The following FASTKD2 variants were observed in gnomAD, a reference collection of about 807,000 sequenced individuals.
FASTKD2 encodes FAST kinase domains 2.
FASTKD2 carries 51 observed loss-of-function variants against 63.6 expected under a neutral mutation model. The ratio of observed to expected loss-of-function variants is 0.80; its 90% CI spans 0.64 to 1.01. The LOEUF is 1.01. Ranked by LOEUF, FASTKD2 falls within the 50% of genes least tolerant of loss-of-function variation. The pLI, the probability that FASTKD2 is intolerant of heterozygous loss-of-function variation, is 0.00. For missense variants in FASTKD2, 786 were observed against 831.1 expected (o/e 0.95, Z 0.67); for synonymous variants, 284 against 293.4 (o/e 0.97, Z 0.33).
At chr2:206,780,316 T>G (rs548239633) in intron 7 of FASTKD2, among the ~76,000 whole-genome samples, 1 of 152,332 alleles carries the variant, frequency 6.6e-6, no homozygotes, top group East Asian at 1.9e-4. Context: ...TCCTTGGCTT[T>G]CGTTTGTTTG....
Position 206,796,023 on chromosome 2 carries a change from C to T in FASTKD2, c.*4221C>T, listed in dbSNP as rs937033347. 3.9e-5 allele frequency among the ~76,000 whole-genome samples: 6 copies of T among 152,132 alleles called. No homozygotes were observed. The highest frequency in any genetic ancestry group is 3.2e-3 in the Middle Eastern group (1 of 316). On this transcript the variant is annotated 3_prime_UTR_variant, in exon 12 of 12. Transcript: ENST00000402774. ...TCAGCCTTTCCATTCATCTTGTAAGCAGGAGGCTTCTGTGCATGGCCAGAA... is the reference window on the plus strand; with the variant it reads ...TCAGCCTTTCCATTCATCTTGTAAGTAGGAGGCTTCTGTGCATGGCCAGAA...
In FASTKD2 at chr2:206,795,111, A is replaced by G; in HGVS notation, c.*3309A>G. On this transcript the variant is annotated 3_prime_UTR_variant, in exon 12 of 12. Transcript: ENST00000402774. The stretch of plus-strand genomic sequence containing the variant: ...AGGACAGATCTCTCTCATACTCTTC[A>G]TTCACAGGGCCTGAGAGGTGGACCA... Among the ~76,000 whole-genome samples, 1 of 152,222 alleles carries G rather than the reference A, an allele frequency of 6.6e-6. No individual in the cohort carries two copies. The highest frequency in any genetic ancestry group is 1.5e-5 in the Non-Finnish European group (1 of 68,040).
rs540966671 is a variant in FASTKD2 at position 206,780,864 on chromosome 2, C to G, written c.1428-5869C>G. Among the ~76,000 whole-genome samples the G allele has an allele frequency of 2.6e-5, 4 of 152,220 alleles. No homozygotes were observed. The East Asian group carries it at 7.7e-4, about 29-fold the overall frequency. ...ATGACCTGCTTCAAATTCTCCGATT[C>G]TCTTTTGCTTGCTGAAATATGCTGG... On this transcript the variant is annotated intron_variant, in intron 7 of 11. Coordinates refer to ENST00000402774, the MANE Select transcript of FASTKD2 (RefSeq NM_001136193.2).
At chr2:206,790,734 T>C (rs762869783) in intron 11 of FASTKD2, 48 bp downstream of exon 11, 1 of 1,083,232 alleles carries the variant, frequency 9.2e-7, no homozygotes, top group Admixed American at 1.7e-5. Flanking sequence ...TGATGTACAT[T>C]CTAACAGCTG....
At chr2:206,766,611 T>C in intron 1 of FASTKD2, 33 bp from the exon 2 acceptor site, 1 of 1,226,494 alleles carries the variant, frequency 8.2e-7, no homozygotes, top group Non-Finnish European at 1.2e-6. Flanking sequence ...TTTGTTTTAA[T>C]TTTTATTCTT....
chr2:206,769,595 G>C (rs779287345), intron 2 of FASTKD2, among the ~76,000 whole-genome samples: 4 of 152,188 alleles, frequency 2.6e-5, no homozygotes, highest in Non-Finnish European at 5.9e-5. Context: ...CAGGAGATGT[G>C]AATCAGAAGA....
At chr2:206,765,932 C>T (rs1689433976) in intron 1 of FASTKD2, among the ~76,000 whole-genome samples, 185 bp downstream of exon 1, 1 of 151,976 alleles carries the variant, frequency 6.6e-6, no homozygotes, top group South Asian at 2.1e-4. Context: ...CTGCCCAGGT[C>T]CCTATTCTTG....
At chr2:206,775,665 C>G (rs1454053600) in intron 7 of FASTKD2, among the ~76,000 whole-genome samples, 1 of 151,812 alleles carries the variant, frequency 6.6e-6, no homozygotes, top group Non-Finnish European at 1.5e-5. Context: ...CCCTCCTTCT[C>G]TGCTTTTTGG....
intron 2 of FASTKD2, among the ~76,000 whole-genome samples, chr2:206,768,960 C>T (rs1689597273): frequency 6.6e-6 from 1 of 152,142 alleles, no homozygotes; most frequent in Admixed American, 6.5e-5. Context: ...TTAAAAGTGA[C>T]TAATAAATCA....
chr2:206,772,280 A>AC lies in FASTKD2; in HGVS notation c.1214_1215insC (p.Tyr406LeufsTer22). The AC allele has an allele frequency of 6.2e-7, 1 of 1,613,994 alleles. No homozygotes were observed. Among genetic ancestry groups the AC allele is most frequent in the Non-Finnish European group, 8.5e-7 (1 of 1,179,840 alleles). The stretch of plus-strand genomic sequence containing the variant: ...TTGGATCTCTTCAAGGGACTTGCAG[A>AC]TTATGTGGCTGCAACTTTCGACATC... On this transcript the variant is annotated frameshift_variant, in exon 6 of 12. Transcript: ENST00000402774. LOFTEE classifies it high-confidence loss of function.
In FASTKD2 at chr2:206,767,101, TC is replaced by T. The variant is rs1363609281; in HGVS notation, c.409del (p.His137MetfsTer30). The T allele has an allele frequency of 1.2e-6, 2 of 1,613,946 alleles. No individual in the cohort carries two copies. The highest frequency in any genetic ancestry group is 2.7e-5 in the African/African-American group (2 of 74,910). ...ATGAATTGAAGAAAGTAAACCTTAA[TC>T]ATGAAGTCTCCAATGAAGATGTTCT... The part of the protein sequence containing the change: ...DDELKKVNLN[H>X]EVSNEDVLTK... On this transcript the variant is annotated frameshift_variant, in exon 2 of 12. Transcript: ENST00000402774. LOFTEE classifies it high-confidence loss of function.
Position 206,790,609 on chromosome 2 carries a change from T to A in FASTKD2, c.1936T>A (p.Leu646Met). 6.2e-7 allele frequency: 1 copy of A among 1,613,088 alleles called. No homozygotes were observed. Among genetic ancestry groups the A allele is most frequent in the African/African-American group, 1.3e-5 (1 of 75,040 alleles). ...VLCVSRSAYCLGSSHPRGFLA... is the reference protein window; with the variant it reads ...VLCVSRSAYCMGSSHPRGFLA... ...ATGTGTTTCCAGATCTGCTTATTGT[T>A]TGGGTTCAAGCCACCCCAGAGGATT... The change falls in exon 11 of 12, where the codon TTG (leucine) becomes ATG (methionine). Residue 646 changes from leucine (L) to methionine (M), a missense_variant. Leu to Met is a conservative substitution (Grantham distance 15, BLOSUM62 2). Coordinates refer to ENST00000402774, the MANE Select transcript of FASTKD2 (RefSeq NM_001136193.2).
chr2:206,786,533 A>T (rs1690141850), intron 7 of FASTKD2, 200 bp from the exon 8 acceptor site: 1 of 572,810 alleles, frequency 1.7e-6, no homozygotes, highest in Non-Finnish European at 3.1e-6. Flanking sequence ...TAAAGTCTAT[A>T]AAATGTTTGT....
At chr2:206,782,599 T>G (rs1401211816) in intron 7 of FASTKD2, among the ~76,000 whole-genome samples, 2 of 152,238 alleles carry the variant, frequency 1.3e-5, no homozygotes, top group African/African-American at 4.8e-5. Context: ...TTTCTTACTC[T>G]TTGGATCAGT....
chr2:206,781,472 C>T (rs557558842), intron 7 of FASTKD2, among the ~76,000 whole-genome samples: 10 of 151,894 alleles, frequency 6.6e-5, no homozygotes, highest in African/African-American at 1.4e-4. Flanking sequence ...CCTGCCACCA[C>T]GCCTGGCTAA....
At chr2:206,772,816 C>T (rs188653516) in intron 6 of FASTKD2, among the ~76,000 whole-genome samples, 1 of 152,188 alleles carries the variant, frequency 6.6e-6, no homozygotes, top group Non-Finnish European at 1.5e-5. Flanking sequence ...TGTAAGTGTT[C>T]TAAGCGTGTT....
chr2:206,777,172 T>A (rs1263337391), intron 7 of FASTKD2, among the ~76,000 whole-genome samples: 1 of 152,174 alleles, frequency 6.6e-6, no homozygotes, highest in Non-Finnish European at 1.5e-5. Context: ...TCTTTTTCTT[T>A]CATTTGCATA....
rs1247714934 is a variant in FASTKD2, at chr2:206,772,324, A to T, written c.1254+4A>T. On this transcript the variant is annotated splice_donor_region_variant and intron_variant, in intron 6 of 11. Transcript: ENST00000402774. The stretch of plus-strand genomic sequence containing the variant: ...CGACATCTGGAAGTTCAGAAAAGTG[A>T]GTACATTAACAATTTAGAATAAGCC... 6.2e-7 allele frequency: 1 copy of T among 1,613,432 alleles called. No individual in the cohort carries two copies. Among genetic ancestry groups the T allele is most frequent in the Admixed American group, 1.7e-5 (1 of 59,998 alleles).
chr2:206,765,631 G>GT lies in FASTKD2; in HGVS notation c.-166dup. 1 of 711,520 alleles carries GT rather than the reference G, an allele frequency of 1.4e-6. No individual in the cohort carries two copies. Among genetic ancestry groups the GT allele is most frequent in the Non-Finnish European group, 1.8e-6 (1 of 565,028 alleles). The allele number at this position is 711,520 out of a possible 1,614,324, so 44.1% of individuals were successfully genotyped here. ...GAAGCTGTCATGGCTGCTCCTGTAC[G>GT]TAGTCACGGTCTTGTGCTCTAAGGT... On this transcript the variant is annotated 5_prime_UTR_variant, in exon 1 of 12. An upstream open reading frame in the 5' UTR gains an earlier in-frame stop. Transcript: ENST00000402774.
Sources: allele counts gnomAD v4.1 joint callset (sites outside exome capture counted in the v4.1 genomes callset), GRCh38; gene constraint gnomAD v4.1.1; transcripts MANE v1.5; gene names NCBI Gene and HGNC (gene_info 2026-07-23, HGNC 2026-07-21).